PAG1: variants seen among roughly 807,000 people sequenced by gnomAD.
PAG1 encodes the protein phosphoprotein membrane anchor with glycosphingolipid microdomains 1, also known as phosphoprotein associated with glycosphingolipid-enriched microdomains 1.
PAG1 carries 23 observed loss-of-function variants against 31.7 expected under a neutral mutation model. The ratio of observed to expected loss-of-function variants is 0.73; its 90% CI spans 0.52 to 1.03. PAG1 has a LOEUF of 1.03. Ranked by LOEUF, PAG1 falls within the 50% of genes least tolerant of loss-of-function variation. The probability of loss-of-function intolerance (pLI) is 0.00; values close to 1 mark genes in which losing one functional copy is unlikely to be tolerated. For missense variants in PAG1, 473 were observed against 540.7 expected, an observed-to-expected ratio of 0.87 and a Z score of 1.24; for synonymous variants, 214 against 210.3, an observed-to-expected ratio of 1.02 and a Z score of -0.15.
intron 1 of PAG1, among the ~76,000 whole-genome samples, chr8:81,091,822 AAAGAAG>A (rs138634354): frequency 8.0e-5 from 12 of 149,382 alleles, no homozygotes; most frequent in Non-Finnish European, 1.3e-4. Flanking sequence ...CAGGATGAAG[AAAGAAG>A]AAGAAGAAGA....
intron 5 of PAG1, among the ~76,000 whole-genome samples, chr8:80,988,019 T>C (rs1037090013): frequency 6.6e-6 from 1 of 152,236 alleles, no homozygotes; most frequent in African/African-American, 2.4e-5. Context: ...GTGGATACCA[T>C]ATCCAATAGG....
chr8:81,022,324 G>T (rs1050896673), intron 3 of PAG1, among the ~76,000 whole-genome samples: 2 of 152,064 alleles, frequency 1.3e-5, no homozygotes, highest in Non-Finnish European at 1.5e-5. Context: ...TTTTTCCTTA[G>T]ATCATATTTA....
intron 3 of PAG1, among the ~76,000 whole-genome samples, chr8:81,021,721 T>C (rs1808175468): frequency 6.6e-6 from 1 of 151,972 alleles, no homozygotes; most frequent in African/African-American, 2.4e-5. Flanking sequence ...AGGAAAACAT[T>C]GTGGATTAAA....
rs575500030 is a variant in PAG1 at position 81,075,335 on chromosome 8, T to C, written c.-233-5165A>G. The stretch of plus-strand genomic sequence containing the variant: ...AAAACAGTTGTGTATGACATTAGCA[T>C]GAAAGATGAGGTTGAGTCTAGTTAA... On this transcript the variant is annotated intron_variant, in intron 1 of 8. Coordinates refer to ENST00000220597, the MANE Select transcript of PAG1 (RefSeq NM_018440.4). 1.4e-3 allele frequency among the ~76,000 whole-genome samples: 212 copies of C among 152,346 alleles called. 1 individual carries two copies. The highest frequency in any genetic ancestry group is 2.4e-3 in the Non-Finnish European group (165 of 68,024).
chr8:81,045,755 A>G (rs1030200802), intron 2 of PAG1, among the ~76,000 whole-genome samples: 1 of 152,230 alleles, frequency 6.6e-6, no homozygotes, highest in Non-Finnish European at 1.5e-5. Flanking sequence ...ATCCCAAACT[A>G]AAAGGATTTC....
At chr8:81,111,476 C>T (rs1809772381) in intron 1 of PAG1, 115 bp downstream of exon 1, 1 of 152,590 alleles carries the variant, frequency 6.6e-6, no homozygotes, top group South Asian at 2.1e-4. Context: ...GCACTCCCTC[C>T]TCGAGCTGGA....
At chr8:80,981,317 C>T (rs114363876) in intron 7 of PAG1, among the ~76,000 whole-genome samples, 2,061 of 152,032 alleles carry the variant, frequency 0.014, 51 homozygotes, top group African/African-American at 0.047. Context: ...AAAGTCTGCC[C>T]TTCTCCTTGG....
chr8:80,985,926 C>T (rs925037076), intron 6 of PAG1, among the ~76,000 whole-genome samples: 25 of 150,526 alleles, frequency 1.7e-4, no homozygotes, highest in African/African-American at 6.0e-4. Flanking sequence ...GCTTCCATCT[C>T]ATCCCGCCAC....
chr8:81,102,167 A>G (rs1809619738), intron 1 of PAG1, among the ~76,000 whole-genome samples: 1 of 152,170 alleles, frequency 6.6e-6, no homozygotes, highest in South Asian at 2.1e-4. Context: ...TAAAAATCAA[A>G]TATAAAATAC....
At chr8:80,977,755 A>G (rs1807214414) in intron 8 of PAG1, among the ~76,000 whole-genome samples, 1 of 152,184 alleles carries the variant, frequency 6.6e-6, no homozygotes, top group Non-Finnish European at 1.5e-5. Flanking sequence ...TCACTAATAA[A>G]TCCTGTATCA....
intron 3 of PAG1, among the ~76,000 whole-genome samples, chr8:81,000,598 G>A (rs61587166): frequency 0.19 from 28,340 of 151,952 alleles, 3,198 homozygotes; most frequent in African/African-American, 0.32. Context: ...GTGCCACCAC[G>A]CCTGGTAATT....
At chr8:81,104,108 T>G (rs1809653629) in intron 1 of PAG1, among the ~76,000 whole-genome samples, 1 of 152,214 alleles carries the variant, frequency 6.6e-6, no homozygotes, top group African/African-American at 2.4e-5. Context: ...TTCCACATGG[T>G]AGGTCTTAAT....
At chr8:80,980,117 C>G (rs920139209) in intron 8 of PAG1, among the ~76,000 whole-genome samples, 3 of 152,218 alleles carry the variant, frequency 2.0e-5, no homozygotes, top group Admixed American at 2.0e-4. Context: ...TGTGGTCTTC[C>G]TGACTGCTGA....
At chr8:81,076,671 G>C (rs1809183570) in intron 1 of PAG1, among the ~76,000 whole-genome samples, 1 of 152,228 alleles carries the variant, frequency 6.6e-6, no homozygotes, top group South Asian at 2.1e-4. Flanking sequence ...AACTTCTTTG[G>C]TTTCTCAGAT....
At chr8:81,068,508 G>A (rs995954231) in intron 2 of PAG1, among the ~76,000 whole-genome samples, 7 of 152,056 alleles carry the variant, frequency 4.6e-5, no homozygotes, top group Non-Finnish European at 7.4e-5. Flanking sequence ...TTAATGTGGC[G>A]AAAATAACAA....
chr8:81,006,874 A>G lies in PAG1; in HGVS notation c.-80-13567T>C, dbSNP rs924818740. On this transcript the variant is annotated intron_variant, in intron 3 of 8. Coordinates refer to ENST00000220597, the MANE Select transcript of PAG1 (RefSeq NM_018440.4). ...AGAGGCCTTAGAATATGGATTCATT[A>G]AGCTAACATTTTAAAGAGAGCCTTT... Among the ~76,000 whole-genome samples, 5 of 152,308 alleles carry G rather than the reference A, an allele frequency of 3.3e-5. No homozygotes were observed. The East Asian group carries it at 7.7e-4, about 24-fold the overall frequency.
At chr8:81,018,396 A>C (rs1563631235) in intron 3 of PAG1, among the ~76,000 whole-genome samples, 2 of 152,210 alleles carry the variant, frequency 1.3e-5, no homozygotes, top group African/African-American at 4.8e-5. Context: ...CAACATGGGT[A>C]TTTCAAAACA....
rs754142890 is a variant in PAG1 at position 80,991,448 on chromosome 8, A to ACAGACAGG, written c.177+23_177+30dup. Reference sequence around the variant, plus strand: ...AGCTGATGTTCTGGAGCACGCACGGACAGACAGGCAGACGACACGCGCAGG... The same window carrying ACAGACAGG: ...AGCTGATGTTCTGGAGCACGCACGGACAGACAGGCAGACAGGCAGACGACACGCGCAGG... On this transcript the variant is annotated intron_variant, in intron 5 of 8. Coordinates refer to ENST00000220597, the MANE Select transcript of PAG1 (RefSeq NM_018440.4). 29 of 1,578,820 alleles carry ACAGACAGG rather than the reference A, an allele frequency of 1.8e-5. No homozygotes were observed. In the Admixed American group the frequency reaches 3.3e-4, roughly 18 times the overall value.
intron 1 of PAG1, among the ~76,000 whole-genome samples, chr8:81,081,878 A>G (rs1809271789): frequency 6.6e-6 from 1 of 152,248 alleles, no homozygotes; most frequent in Non-Finnish European, 1.5e-5. Flanking sequence ...TAAGGTTGCT[A>G]TAAGCATTAA....
Sources: gnomAD v4.1 joint callset for allele counts (sites outside exome capture counted in the v4.1 genomes callset) on GRCh38, gnomAD v4.1.1 for gene constraint, MANE v1.5 for transcripts, NCBI Gene and HGNC (gene_info 2026-07-23, HGNC 2026-07-21) for gene names.